XIRP2: variants seen among roughly 807,000 people sequenced by gnomAD.
The protein encoded by XIRP2 is xin actin-binding repeat-containing protein 2.
Under a neutral mutation model 277.0 loss-of-function variants are expected in XIRP2, and 236 were observed. The ratio of observed to expected loss-of-function variants is 0.85; its 90% CI spans 0.77 to 0.95. XIRP2 has a LOEUF of 0.95. Among genes scored for constraint, XIRP2 ranks in the 40% least tolerant of loss-of-function variants. The pLI is 0.00. For missense variants in XIRP2, 4,640 were observed against 4,157.5 expected (o/e 1.12, Z -3.19); for synonymous variants, 1,490 against 1,416.5 (o/e 1.05, Z -1.17).
chr2:166,935,336 T>C (rs62196026), intron 2 of XIRP2, among the ~76,000 whole-genome samples: 2,388 of 152,286 alleles, frequency 0.016, 19 homozygotes, highest in Non-Finnish European at 0.024. Context: ...AATAGGCCAG[T>C]AGATAAATTT....
At chr2:166,973,163 A>C (rs1213373976) in intron 2 of XIRP2, among the ~76,000 whole-genome samples, 5 of 152,136 alleles carry the variant, frequency 3.3e-5, no homozygotes, top group Non-Finnish European at 7.4e-5. Context: ...AATTTTTTTC[A>C]AAATAGGGAG....
rs745795677 is a variant in XIRP2 at position 167,249,535 on chromosome 2, C to A, written c.8143C>A (p.Leu2715Ile). 2 of 1,613,628 alleles carry A rather than the reference C, an allele frequency of 1.2e-6. No individual in the cohort carries two copies. The highest frequency in any genetic ancestry group is 1.1e-5 in the South Asian group (1 of 91,078). The change falls in exon 9 of 11, where the codon CTT becomes ATT. Residue 2715 changes from leucine to isoleucine, a missense_variant. Leu to Ile is a conservative substitution (Grantham distance 5). Coordinates refer to ENST00000409195, the MANE Select transcript of XIRP2 (RefSeq NM_152381.6). ...AAATTTCAAAGTTAAAACCATCAAA[C>A]TTCCAACTCTAGATCATACATTAAA... is the stretch of plus-strand genomic sequence containing the variant. The part of the protein sequence containing the change: ...SPNFKVKTIK[L>I]PTLDHTLNET...
intron 3 of XIRP2, among the ~76,000 whole-genome samples, chr2:167,145,422 T>G (rs923481400): frequency 2.0e-5 from 3 of 152,192 alleles, no homozygotes. Flanking sequence ...GGAAAAAATT[T>G]ACTTTTCAGA....
chr2:166,907,838 C>T (rs1341395893), intron 2 of XIRP2, among the ~76,000 whole-genome samples: 1 of 140,392 alleles, frequency 7.1e-6, no homozygotes, highest in South Asian at 2.3e-4. Context: ...TTGTTCAATT[C>T]CCACCTATGA....
chr2:166,922,652 C>T (rs1334578124), intron 2 of XIRP2, among the ~76,000 whole-genome samples: 1 of 151,742 alleles, frequency 6.6e-6, no homozygotes, highest in South Asian at 2.1e-4. Context: ...CATACACATA[C>T]ATATATACAC....
intron 2 of XIRP2, among the ~76,000 whole-genome samples, chr2:167,117,987 A>G (rs1690941898): frequency 6.6e-6 from 1 of 152,190 alleles, no homozygotes; most frequent in African/African-American, 2.4e-5. Flanking sequence ...ACCACACTTG[A>G]CATTCTATTC....
At chr2:167,117,007 A>T (rs1016790558) in intron 2 of XIRP2, among the ~76,000 whole-genome samples, 2 of 152,212 alleles carry the variant, frequency 1.3e-5, no homozygotes, top group African/African-American at 4.8e-5. Context: ...CAAAATAATA[A>T]TAGTTCTATC....
intron 2 of XIRP2, among the ~76,000 whole-genome samples, chr2:167,123,446 G>A (rs1049945666): frequency 2.7e-4 from 41 of 152,178 alleles, no homozygotes; most frequent in African/African-American, 9.4e-4. Context: ...TGCTAGGGGT[G>A]CCGTAACAAA....
chr2:167,223,462 A>G (rs1181293237), intron 5 of XIRP2, among the ~76,000 whole-genome samples: 1 of 152,188 alleles, frequency 6.6e-6, no homozygotes, highest in Non-Finnish European at 1.5e-5. Context: ...ATTCTGTAAG[A>G]TTATGCAGAT....
chr2:167,134,778 G>T (rs890006184), intron 2 of XIRP2, among the ~76,000 whole-genome samples: 2 of 152,088 alleles, frequency 1.3e-5, no homozygotes, highest in South Asian at 4.1e-4. Flanking sequence ...ACACTATGCT[G>T]TAATAAAAGT....
intron 2 of XIRP2, among the ~76,000 whole-genome samples, chr2:167,109,487 G>A (rs1017483428): frequency 1.3e-5 from 2 of 152,068 alleles, no homozygotes; most frequent in Admixed American, 6.6e-5. Context: ...CTCCATGTTG[G>A]CCAAGCTGGT....
chr2:167,144,433 T>A (rs1469387855), intron 3 of XIRP2, among the ~76,000 whole-genome samples: 1 of 152,126 alleles, frequency 6.6e-6, no homozygotes, highest in Non-Finnish European at 1.5e-5. Context: ...GAATACCACA[T>A]AACTTTGTAC....
intron 3 of XIRP2, among the ~76,000 whole-genome samples, chr2:167,181,376 G>A (rs1693004111): frequency 6.6e-6 from 1 of 152,136 alleles, no homozygotes; most frequent in Non-Finnish European, 1.5e-5. Context: ...ATTCACGTTT[G>A]TTGCTCACAA....
At chr2:167,135,860 T>C in intron 2 of XIRP2, 49 bp from the exon 3 acceptor site, 1 of 1,494,410 alleles carries the variant, frequency 6.7e-7, no homozygotes, top group Non-Finnish European at 8.9e-7. Context: ...AACACATCTG[T>C]TTCCTACTGA....
intron 1 of XIRP2, among the ~76,000 whole-genome samples, chr2:166,901,051 T>A (rs1558908460): frequency 6.6e-6 from 1 of 152,088 alleles, no homozygotes; most frequent in Non-Finnish European, 1.5e-5. Context: ...CCTTTGCTGA[T>A]GGGAGTAAGG....
At chr2:167,062,604 A>G (rs1400814768) in intron 2 of XIRP2, among the ~76,000 whole-genome samples, 2 of 152,154 alleles carry the variant, frequency 1.3e-5, no homozygotes, top group Non-Finnish European at 2.9e-5. Context: ...TTCTAACTGT[A>G]ATCTTTAATG....
chr2:167,225,519 T>C (rs1245879965), intron 5 of XIRP2, among the ~76,000 whole-genome samples: 1 of 152,156 alleles, frequency 6.6e-6, no homozygotes, highest in East Asian at 1.9e-4. Flanking sequence ...ATCAACATGC[T>C]CAGAAATAAG....
intron 2 of XIRP2, among the ~76,000 whole-genome samples, chr2:166,964,365 C>A (rs144798509): frequency 6.6e-6 from 1 of 151,834 alleles, no homozygotes; most frequent in African/African-American, 2.4e-5. Flanking sequence ...GGTTGAAAAT[C>A]TGTTTGTCAT....
At chr2:167,179,708 A>G (rs1350219419) in intron 3 of XIRP2, among the ~76,000 whole-genome samples, 1 of 150,902 alleles carries the variant, frequency 6.6e-6, no homozygotes, top group Non-Finnish European at 1.5e-5. Flanking sequence ...TGGCATGATC[A>G]CTACTCACTG....
Sources: gnomAD v4.1 joint callset for allele counts (sites outside exome capture counted in the v4.1 genomes callset) on GRCh38, gnomAD v4.1.1 for gene constraint, MANE v1.5 for transcripts, NCBI Gene and HGNC (gene_info 2026-07-23, HGNC 2026-07-21) for gene names.